Variants in DSE observed in about 807,000 individuals in gnomAD.
The protein encoded by DSE is dermatan sulfate epimerase.
DSE carries 36 observed loss-of-function variants against 84.4 expected under a neutral mutation model. That is an observed-to-expected ratio of 0.43 (90% CI 0.33 to 0.56). The LOEUF (loss-of-function observed/expected upper bound fraction) is 0.56, where lower values mean the gene tolerates loss of function less well. Among genes scored for constraint, DSE ranks in the 20% least tolerant of loss-of-function variants. The probability of loss-of-function intolerance (pLI) is 0.06; values close to 1 mark genes in which losing one functional copy is unlikely to be tolerated. For missense variants in DSE, 862 were observed against 1,169.6 expected (o/e 0.74, Z 3.84); for synonymous variants, 410 against 430.1 (o/e 0.95, Z 0.58).
intron 2 of DSE, among the ~76,000 whole-genome samples, chr6:116,297,579 T>C (rs1774748360): frequency 6.6e-6 from 1 of 152,178 alleles, no homozygotes; most frequent in African/African-American, 2.4e-5. Context: ...TAGTTAGTGG[T>C]TTGGGATTAT....
intron 3 of DSE, among the ~76,000 whole-genome samples, chr6:116,430,450 T>C (rs372215087): frequency 1.3e-5 from 2 of 152,380 alleles, no homozygotes; most frequent in African/African-American, 4.8e-5. Context: ...CATAAAGTTA[T>C]ATGCATTTGT....
intron 1 of DSE, among the ~76,000 whole-genome samples, chr6:116,398,083 T>C (rs992181534): frequency 5.1e-4 from 73 of 142,162 alleles, no homozygotes; most frequent in African/African-American, 1.7e-3. Flanking sequence ...CCTTTAATAA[T>C]TGAAAACCAC....
At chr6:116,427,914 C>T (rs1783554055) in intron 3 of DSE, among the ~76,000 whole-genome samples, 1 of 152,178 alleles carries the variant, frequency 6.6e-6, no homozygotes, top group African/African-American at 2.4e-5. Context: ...TCAGGTCAGG[C>T]GTGGTGGCTC....
chr6:116,319,360 T>A (rs146226107), intron 2 of DSE, among the ~76,000 whole-genome samples: 1 of 152,228 alleles, frequency 6.6e-6, no homozygotes. Flanking sequence ...GTTTTTGTAG[T>A]TATTCAGGGA....
Position 116,280,394 on chromosome 6 carries a change from A to G in DSE, c.-54+21427A>G, listed in dbSNP as rs6909152. 0.44 allele frequency: 77,650 copies of G among 177,308 alleles called. 18,039 individuals are homozygous for G. Among genetic ancestry groups the G allele is most frequent in the African/African-American group, 0.6 (25,050 of 41,858 alleles). 11.0% of individuals were successfully genotyped at this position (177,308 alleles called of 1,614,324 possible). A position where few individuals can be genotyped will look rare whatever the true frequency, so the allele number is the denominator to read the frequency against. ...ATTCTTGCCTCTACGGTTACTGGGGAAAAAAAGCTACTCAGCAGCCTCTTA... is the reference window on the plus strand; with the variant it reads ...ATTCTTGCCTCTACGGTTACTGGGGGAAAAAAGCTACTCAGCAGCCTCTTA... On this transcript the variant is annotated intron_variant, in intron 2 of 3. Coordinates refer to the DSE transcript ENST00000430252.
chr6:116,436,043 G>A lies in DSE; in HGVS notation c.1575G>A (p.Val525=), dbSNP rs1489150219. The A allele has an allele frequency of 2.5e-6, 4 of 1,613,980 alleles. No individual in the cohort carries two copies. The African/African-American group carries it at 5.3e-5, about 22-fold the overall frequency. ...TGGCAGCTAGTTGTCAGGGGAGGGT[G>A]GTTGCAGCAGAGGAGAAAAATGGGG... ...HDLAASCQGR[V]VAAEEKNGVV... is the part of the protein sequence containing the mutation. The change falls in exon 6 of 6, where the codon GTG becomes GTA. Residue 525 remains valine (V), a synonymous_variant. Coordinates refer to ENST00000644252, the MANE Select transcript of DSE (RefSeq NM_013352.4).
intron 2 of DSE, among the ~76,000 whole-genome samples, chr6:116,313,343 A>T (rs1775795033): frequency 1.3e-5 from 2 of 152,210 alleles, no homozygotes; most frequent in African/African-American, 4.8e-5. Flanking sequence ...ATGATATTTT[A>T]TTATGGCAGC....
At chr6:116,397,010 T>TTAAAAAA (rs1325147215) in intron 1 of DSE, among the ~76,000 whole-genome samples, 1 of 152,074 alleles carries the variant, frequency 6.6e-6, no homozygotes, top group East Asian at 1.9e-4. Flanking sequence ...CTCCCACACA[T>TTAAAAAA]TCAAAAGCTG....
chr6:116,347,400 A>AT (rs1778044975), intron 2 of DSE, among the ~76,000 whole-genome samples: 1 of 151,044 alleles, frequency 6.6e-6, no homozygotes, highest in Non-Finnish European at 1.5e-5. Context: ...CCAAAACAGC[A>AT]TGGTACTGGT....
At chr6:116,265,456 G>A (rs1402903306) in intron 2 of DSE, among the ~76,000 whole-genome samples, 1 of 152,138 alleles carries the variant, frequency 6.6e-6, no homozygotes, top group East Asian at 1.9e-4. Context: ...CCCACATGCT[G>A]GTGGGGCAGT....
At chr6:116,302,306 T>C (rs1324841486) in intron 2 of DSE, among the ~76,000 whole-genome samples, 1 of 152,242 alleles carries the variant, frequency 6.6e-6, no homozygotes, top group Non-Finnish European at 1.5e-5. Flanking sequence ...TGTTGTTTCC[T>C]GACTTTTTAA....
chr6:116,285,532 C>G (rs550830510), intron 2 of DSE, among the ~76,000 whole-genome samples: 118 of 152,174 alleles, frequency 7.8e-4, no homozygotes, highest in African/African-American at 2.2e-3. Flanking sequence ...TAATTAGATC[C>G]CATTTGTCAG....
chr6:116,314,899 C>G (rs570857187), intron 2 of DSE, among the ~76,000 whole-genome samples: 1 of 152,304 alleles, frequency 6.6e-6, no homozygotes, highest in South Asian at 2.1e-4. Context: ...AATAAAAGCT[C>G]CATTTAGCAA....
intron 3 of DSE, among the ~76,000 whole-genome samples, chr6:116,430,207 GCTGC>G (rs1330183303): frequency 2.6e-5 from 4 of 152,150 alleles, no homozygotes; most frequent in Non-Finnish European, 4.4e-5. Context: ...GCCCCACTGT[GCTGC>G]CTTTTCAGAT....
chr6:116,389,288 G>C (rs775109339), intron 1 of DSE, among the ~76,000 whole-genome samples: 1 of 152,130 alleles, frequency 6.6e-6, no homozygotes, highest in Non-Finnish European at 1.5e-5. Flanking sequence ...GTAAGGATGT[G>C]ATGATGCTAG....
At chr6:116,288,872 A>G (rs1250096661) in intron 2 of DSE, among the ~76,000 whole-genome samples, 1 of 152,100 alleles carries the variant, frequency 6.6e-6, no homozygotes, top group Admixed American at 6.6e-5. Flanking sequence ...TAGCAGGCAC[A>G]CATTTTATAA....
chr6:116,310,573 G>T (rs990336539), intron 2 of DSE, among the ~76,000 whole-genome samples: 1 of 152,000 alleles, frequency 6.6e-6, no homozygotes. Context: ...AAAAAACCAA[G>T]GAGTCATCCT....
At chr6:116,279,959 T>G in intron 2 of DSE, 1 of 1,352,746 alleles carries the variant, frequency 7.4e-7, no homozygotes, top group Admixed American at 1.8e-5. Context: ...TCGTCAGGAC[T>G]GGAGATCTCA....
chr6:116,273,834 GTTT>G (rs35845513), intron 2 of DSE, among the ~76,000 whole-genome samples: 1 of 136,942 alleles, frequency 7.3e-6, no homozygotes, highest in Non-Finnish European at 1.6e-5. Flanking sequence ...ATGTTTTTTT[GTTT>G]TTTTTTTTTT....
Sources: allele counts gnomAD v4.1 joint callset (sites outside exome capture counted in the v4.1 genomes callset), GRCh38; gene constraint gnomAD v4.1.1; transcripts MANE v1.5; gene names NCBI Gene and HGNC (gene_info 2026-07-23, HGNC 2026-07-21).